IL17RD: variants seen among roughly 807,000 people sequenced by gnomAD.
IL17RD encodes the protein interleukin 17 receptor D, also known as interleukin-17 receptor D.
Under a neutral mutation model 80.5 loss-of-function variants are expected in IL17RD, and 52 were observed. The ratio of observed to expected loss-of-function variants is 0.65; its 90% CI spans 0.52 to 0.81. The LOEUF (loss-of-function observed/expected upper bound fraction) is 0.81, where lower values mean the gene tolerates loss of function less well. Ranked by LOEUF, IL17RD falls within the 40% of genes least tolerant of loss-of-function variation. The pLI, the probability that IL17RD is intolerant of heterozygous loss-of-function variation, is 0.00. For synonymous variants in IL17RD, 416 were observed against 391.8 expected (o/e 1.06, Z -0.73); for missense variants, 1,024 against 955.1 (o/e 1.07, Z -0.95).
chr3:57,120,390 T>C (rs1361523402), intron 1 of IL17RD, 77 bp from the exon 2 acceptor site: 4 of 1,025,474 alleles, frequency 3.9e-6, no homozygotes, highest in African/African-American at 1.6e-5. Flanking sequence ...GGAGTCCAAA[T>C]GCAAGCAGCA....
In IL17RD at chr3:57,096,141, A is replaced by C; in HGVS notation, c.*252T>G. 2.1e-6 allele frequency: 1 copy of C among 475,944 alleles called. No homozygotes were observed. The highest frequency in any genetic ancestry group is 1.9e-5 in the African/African-American group (1 of 51,656). 29.5% of individuals were successfully genotyped at this position (475,944 alleles called of 1,614,324 possible). A position where few individuals can be genotyped will look rare whatever the true frequency, so the allele number is the denominator to read the frequency against. ...CAGGCTCTGATCCAAGGACTAACCA[A>C]ATTTGGCAAGCTGTTGTCAGACCTT... is the stretch of plus-strand genomic sequence containing the variant. On this transcript the variant is annotated 3_prime_UTR_variant, in exon 13 of 13. Coordinates refer to ENST00000296318, the MANE Select transcript of IL17RD (RefSeq NM_017563.5).
At chr3:57,156,042 A>G (rs189335047) in intron 1 of IL17RD, among the ~76,000 whole-genome samples, 1 of 152,338 alleles carries the variant, frequency 6.6e-6, no homozygotes, top group Non-Finnish European at 1.5e-5. Context: ...TGTATGGAGA[A>G]CCTACTATGT....
At position 57,103,156 on chromosome 3, in the gene IL17RD, G is replaced by C; in HGVS notation, c.814-11C>G. The stretch of plus-strand genomic sequence containing the variant: ...AGTGTCATCCACCAGCTGCAAAACA[G>C]AGGATGCTGCATTATTTTTTTTTAA... On this transcript the variant is annotated splice_polypyrimidine_tract_variant and intron_variant, in intron 8 of 12. Transcript: ENST00000296318. 1 of 1,596,888 alleles carries C rather than the reference G, an allele frequency of 6.3e-7. No individual in the cohort carries two copies. Among genetic ancestry groups the C allele is most frequent in the Non-Finnish European group, 8.5e-7 (1 of 1,170,518 alleles).
chr3:57,144,774 A>G (rs958034227), intron 1 of IL17RD, among the ~76,000 whole-genome samples: 3 of 152,236 alleles, frequency 2.0e-5, no homozygotes, highest in Non-Finnish European at 4.4e-5. Flanking sequence ...TGCCTGCATG[A>G]GAGGCAAGGA....
At position 57,102,535 on chromosome 3, in the gene IL17RD, AC is replaced by A; in HGVS notation, c.922del (p.Val308Ter). ...GAGCGTCGCGAATGCCGATATGACT[AC>A]CAGTGGCACTGTGATGGCCACGGCT... is the stretch of plus-strand genomic sequence containing the variant. ...IRAVAITVPLVVISAFATLFT... is the reference protein window; with the variant it reads ...IRAVAITVPLXVISAFATLFT... On this transcript the variant is annotated frameshift_variant, in exon 10 of 13. Coordinates refer to ENST00000296318, the MANE Select transcript of IL17RD (RefSeq NM_017563.5). LOFTEE classifies it high-confidence loss of function. The A allele has an allele frequency of 6.3e-7, 1 of 1,579,812 alleles. No individual in the cohort carries two copies. The highest frequency in any genetic ancestry group is 1.1e-5 in the South Asian group (1 of 87,928).
chr3:57,130,533 C>A (rs1009732224), intron 1 of IL17RD, among the ~76,000 whole-genome samples: 2 of 152,184 alleles, frequency 1.3e-5, no homozygotes, highest in Non-Finnish European at 1.5e-5. Context: ...TAAGTATCTG[C>A]CTCTCTCTGC....
chr3:57,097,579 C>T lies in IL17RD; in HGVS notation c.2107+17G>A. The T allele has an allele frequency of 1.3e-6, 2 of 1,553,148 alleles. No individual in the cohort carries two copies. Among genetic ancestry groups the T allele is most frequent in the African/African-American group, 2.7e-5 (2 of 73,366 alleles). ...AAGGCTGCGGCCTGTTAGGACCCGG[C>T]CCCAAAGGCACCTTACCCAGGCCTG... On this transcript the variant is annotated intron_variant, in intron 12 of 12. Coordinates refer to ENST00000296318, the MANE Select transcript of IL17RD (RefSeq NM_017563.5).
At chr3:57,124,601 C>T (rs939154037) in intron 1 of IL17RD, among the ~76,000 whole-genome samples, 9 of 152,156 alleles carry the variant, frequency 5.9e-5, no homozygotes, top group Non-Finnish European at 4.4e-5. Context: ...TCCTCCCCTA[C>T]AGCCTCCAGA....
chr3:57,154,568 GTGAAAAGATGTGGGAGGT>G (rs2060255519), intron 1 of IL17RD, among the ~76,000 whole-genome samples: 22 of 152,052 alleles, frequency 1.4e-4, no homozygotes, highest in Admixed American at 1.4e-3. Flanking sequence ...ATGTGCTCAA[GTGAAAAGATGTGGGAGGT>G]AGAATTTGTC....
In IL17RD at chr3:57,091,549, A is replaced by G. The variant is rs766097254; in HGVS notation, c.*4844T>C. 12 of 152,662 alleles carry G rather than the reference A, an allele frequency of 7.9e-5. No individual in the cohort carries two copies. The highest frequency in any genetic ancestry group is 1.2e-4 in the African/African-American group (5 of 41,470). The allele number at this position is 152,662 out of a possible 1,614,324, so 9.5% of individuals were successfully genotyped here. On this transcript the variant is annotated 3_prime_UTR_variant, in exon 13 of 13. Coordinates refer to ENST00000296318, the MANE Select transcript of IL17RD (RefSeq NM_017563.5). ...TAAACTAAGTGTGAAGCTGAGAAAC[A>G]TTACAGCAGTGAAAATTATTAGGCC...
At chr3:57,152,935 C>T (rs1337227864) in intron 1 of IL17RD, among the ~76,000 whole-genome samples, 1 of 152,190 alleles carries the variant, frequency 6.6e-6, no homozygotes, top group African/African-American at 2.4e-5. Flanking sequence ...AACCGTAAAC[C>T]TGCCCCGGCC....
In IL17RD at chr3:57,098,119, G is replaced by C. The variant is rs61743217; in HGVS notation, c.1584C>G (p.Gly528=). 1.7e-3 allele frequency: 2,675 copies of C among 1,613,948 alleles called. 51 individuals are homozygous for C. In the African/African-American group the frequency reaches 0.031, roughly 19 times the overall value. The change falls in exon 12 of 13, where the codon GGC becomes GGG. Residue 528 remains glycine (G), a synonymous_variant. Transcript: ENST00000296318. Reference sequence around the variant, plus strand: ...TGCTCCGGAAGTAGTTCCTTCTGCTGCCCTGTCGCGTGTGCTGCCCCGGCT... The same window carrying C: ...TGCTCCGGAAGTAGTTCCTTCTGCTCCCCTGTCGCGTGTGCTGCCCCGGCT... ...LQEPGQHTRQ[G]SRRNYFRSKS...
chr3:57,106,281 T>G (rs1161393883), intron 5 of IL17RD, 127 bp from the exon 6 acceptor site: 2 of 669,072 alleles, frequency 3.0e-6, no homozygotes, highest in African/African-American at 3.6e-5. Flanking sequence ...AATACATCAA[T>G]TCAATGAGGA....
intron 1 of IL17RD, among the ~76,000 whole-genome samples, chr3:57,128,616 A>T (rs1304786054): frequency 1.3e-5 from 2 of 152,186 alleles, no homozygotes; most frequent in Non-Finnish European, 2.9e-5. Context: ...AAGATATGTT[A>T]GGACATTGGT....
Position 57,148,092 on chromosome 3 carries a change from G to T in IL17RD, c.126+17069C>A, listed in dbSNP as rs1312673970. Among the ~76,000 whole-genome samples the T allele has an allele frequency of 2.7e-3, 252 of 94,106 alleles. 30 individuals carry two copies. Among genetic ancestry groups the T allele is most frequent in the Admixed American group, 0.015 (144 of 9,762 alleles). The allele number at this position is 94,106 out of a possible 152,430, so 61.7% of individuals were successfully genotyped here. A position where few individuals can be genotyped will look rare whatever the true frequency, so the allele number is the denominator to read the frequency against. On this transcript the variant is annotated intron_variant, in intron 1 of 12. Transcript: ENST00000296318. ...AGCACTTTGGGAGGCCAAGGTTGGGGGGGGGGGGGGGGCGATCGCTAGGTC... is the reference window on the plus strand; with the variant it reads ...AGCACTTTGGGAGGCCAAGGTTGGGTGGGGGGGGGGGGCGATCGCTAGGTC...
In IL17RD at chr3:57,150,033, C is replaced by T. The variant is rs144323569; in HGVS notation, c.126+15128G>A. On this transcript the variant is annotated intron_variant, in intron 1 of 12. Transcript: ENST00000296318. The stretch of plus-strand genomic sequence containing the variant: ...CCCAAAAAATTCCCTTGTACTGCCC[C>T]TTGGTAGTCAAGCCCTCCCTCCATC... Among the ~76,000 whole-genome samples the T allele has an allele frequency of 6.2e-3, 941 of 152,288 alleles. 9 individuals are homozygous for T. Among genetic ancestry groups the T allele is most frequent in the Admixed American group, 0.013 (200 of 15,312 alleles).
At position 57,097,975 on chromosome 3, in the gene IL17RD, C is replaced by A; in HGVS notation, c.1728G>T (p.Glu576Asp). 1 of 1,614,042 alleles carries A rather than the reference C, an allele frequency of 6.2e-7. No homozygotes were observed. Among genetic ancestry groups the A allele is most frequent in the Non-Finnish European group, 8.5e-7 (1 of 1,179,892 alleles). The stretch of plus-strand genomic sequence containing the variant: ...CCGAATCAAATTTCTCCAAGACTGG[C>A]TCCCGGTAGCGCAGTGGAGGAGGAT... The part of the protein sequence containing the change: ...PFHPPPLRYR[E>D]PVLEKFDSGL... The change falls in exon 12 of 13, where the codon GAG becomes GAT. Residue 576 changes from glutamate to aspartate, a missense_variant. Glu to Asp is a conservative substitution (Grantham distance 45, BLOSUM62 2). Transcript: ENST00000296318.
chr3:57,123,807 G>A (rs552874201), intron 1 of IL17RD, among the ~76,000 whole-genome samples: 177 of 152,276 alleles, frequency 1.2e-3, no homozygotes, highest in African/African-American at 4.1e-3. Context: ...ACTTTGGGAG[G>A]CCGAGGCAGG....
At chr3:57,154,287 C>T (rs1008840402) in intron 1 of IL17RD, among the ~76,000 whole-genome samples, 12 of 110,218 alleles carry the variant, frequency 1.1e-4, no homozygotes, top group South Asian at 7.3e-4. Context: ...TATATATACA[C>T]ACACACACAC....
Sources: gnomAD v4.1 joint callset for allele counts (sites outside exome capture counted in the v4.1 genomes callset) on GRCh38, gnomAD v4.1.1 for gene constraint, MANE v1.5 for transcripts, NCBI Gene and HGNC (gene_info 2026-07-23, HGNC 2026-07-21) for gene names.